CDH13: variants seen among roughly 807,000 people sequenced by gnomAD.
The protein encoded by CDH13 is cadherin-13.
In CDH13, 24 loss-of-function variants were observed where a neutral mutation model predicts 63.8. That is an observed-to-expected ratio of 0.38 (90% confidence interval 0.27 to 0.53). The LOEUF is 0.53. Among genes scored for constraint, CDH13 ranks in the 20% least tolerant of loss-of-function variants. CDH13 has a pLI of 0.85. For synonymous variants in CDH13, 503 were observed against 355.3 expected, an observed-to-expected ratio of 1.42 and a Z score of -4.67; for missense variants, 1,049 against 903.1, an observed-to-expected ratio of 1.16 and a Z score of -2.07.
intron 5 of CDH13, among the ~76,000 whole-genome samples, chr16:83,305,662 G>A (rs2089857531): frequency 6.6e-6 from 1 of 152,138 alleles, no homozygotes; most frequent in Admixed American, 6.5e-5. Flanking sequence ...GAGCCAGATG[G>A]GAGTTTGTAT....
intron 5 of CDH13, among the ~76,000 whole-genome samples, chr16:83,314,414 C>T (rs1288993255): frequency 6.6e-6 from 1 of 152,084 alleles, no homozygotes; most frequent in African/African-American, 2.4e-5. Context: ...GTTTTCTAAA[C>T]TAAAATGGCT....
chr16:83,592,742 C>T lies in CDH13; in HGVS notation c.961-9712C>T, dbSNP rs75458455. ...TCTGGAGAAATGAGCGCTGCCTTCT[C>T]CTTGCCCACCAGCCCCCAGCCACGA... On this transcript the variant is annotated intron_variant, in intron 7 of 13. Transcript: ENST00000567109. Among the ~76,000 whole-genome samples, 424 of 152,282 alleles carry T rather than the reference C, an allele frequency of 2.8e-3. 3 individuals carry two copies. The highest frequency in any genetic ancestry group is 5.3e-3 in the Non-Finnish European group (363 of 68,026).
At chr16:83,651,588 C>CTTTTTTT (rs35237670) in intron 8 of CDH13, among the ~76,000 whole-genome samples, 97 of 75,266 alleles carry the variant, frequency 1.3e-3, no homozygotes, top group Non-Finnish European at 1.5e-3. Flanking sequence ...TTATTTTCCT[C>CTTTTTTT]TTTTTTTTTT....
At chr16:83,453,847 A>G (rs1021305905) in intron 6 of CDH13, among the ~76,000 whole-genome samples, 2 of 152,204 alleles carry the variant, frequency 1.3e-5, no homozygotes, top group African/African-American at 4.8e-5. Flanking sequence ...TCAGGGGACC[A>G]TATGTGCCTG....
chr16:83,118,467 G>T (rs562822626), intron 3 of CDH13, among the ~76,000 whole-genome samples: 9 of 152,140 alleles, frequency 5.9e-5, no homozygotes, highest in African/African-American at 1.4e-4. Context: ...ACATCTGCAC[G>T]CGTCTAGTAA....
chr16:83,436,219 G>C (rs1350739550), intron 6 of CDH13, among the ~76,000 whole-genome samples: 1 of 152,166 alleles, frequency 6.6e-6, no homozygotes, highest in Non-Finnish European at 1.5e-5. Flanking sequence ...TGCAACAAAT[G>C]ACTCTTGATC....
chr16:82,844,230 C>T (rs1472024925), intron 1 of CDH13, among the ~76,000 whole-genome samples: 2 of 152,124 alleles, frequency 1.3e-5, no homozygotes, highest in Non-Finnish European at 2.9e-5. Flanking sequence ...AGAGGCCATG[C>T]TGCTGGCTTG....
At chr16:83,125,183 A>C (rs942949620) in intron 3 of CDH13, among the ~76,000 whole-genome samples, 152 of 152,330 alleles carry the variant, frequency 1.0e-3, no homozygotes, top group African/African-American at 3.5e-3. Context: ...CAAATAGCTT[A>C]ATGATAGTTA....
intron 10 of CDH13, among the ~76,000 whole-genome samples, chr16:83,678,819 A>G (rs1381247083): frequency 6.6e-6 from 1 of 152,208 alleles, no homozygotes; most frequent in African/African-American, 2.4e-5. Context: ...CTTTGTCATC[A>G]GCACTGCTTT....
chr16:82,915,921 G>C (rs772253634), intron 2 of CDH13, among the ~76,000 whole-genome samples: 22 of 151,356 alleles, frequency 1.5e-4, no homozygotes, highest in Non-Finnish European at 2.9e-4. Context: ...AGAGATGTCT[G>C]AATTATAGCA....
chr16:83,282,223 G>T (rs1040224018), intron 5 of CDH13, among the ~76,000 whole-genome samples: 11 of 152,230 alleles, frequency 7.2e-5, no homozygotes, highest in African/African-American at 2.6e-4. Context: ...TAACATCAAA[G>T]ATCACTGATC....
chr16:83,203,093 G>T (rs565210975), intron 4 of CDH13, among the ~76,000 whole-genome samples: 1 of 152,126 alleles, frequency 6.6e-6, no homozygotes, highest in Non-Finnish European at 1.5e-5. Context: ...GCATAGTGGT[G>T]CACGCCTGTA....
chr16:83,630,638 A>G (rs1407764799), intron 8 of CDH13, among the ~76,000 whole-genome samples: 1 of 152,198 alleles, frequency 6.6e-6, no homozygotes, highest in African/African-American at 2.4e-5. Flanking sequence ...TGAGGAAGCA[A>G]TTAGATATGC....
At chr16:83,523,577 G>T (rs1316138436) in intron 7 of CDH13, among the ~76,000 whole-genome samples, 1 of 152,124 alleles carries the variant, frequency 6.6e-6, no homozygotes, top group Non-Finnish European at 1.5e-5. Flanking sequence ...CTCACCAAGT[G>T]CTCCTCCATT....
At chr16:83,439,402 C>G (rs1169352100) in intron 6 of CDH13, among the ~76,000 whole-genome samples, 2 of 152,122 alleles carry the variant, frequency 1.3e-5, no homozygotes, top group Non-Finnish European at 2.9e-5. Context: ...TATGGGATGT[C>G]TTAGTAAAAG....
At chr16:82,937,081 C>A (rs1464583324) in intron 2 of CDH13, among the ~76,000 whole-genome samples, 1 of 152,140 alleles carries the variant, frequency 6.6e-6, no homozygotes, top group African/African-American at 2.4e-5. Context: ...CAGAGCTCTC[C>A]ATTCTGTTTT....
chr16:83,559,713 C>G (rs2075668070), intron 7 of CDH13, among the ~76,000 whole-genome samples: 1 of 151,968 alleles, frequency 6.6e-6, no homozygotes, highest in African/African-American at 2.4e-5. Context: ...CATTTTTCAC[C>G]TTAATTCTAA....
At chr16:83,103,915 A>C (rs1409950528) in intron 3 of CDH13, among the ~76,000 whole-genome samples, 1 of 152,208 alleles carries the variant, frequency 6.6e-6, no homozygotes, top group Admixed American at 6.5e-5. Flanking sequence ...TATTTGCAAA[A>C]AATTTGAAAT....
intron 1 of CDH13, among the ~76,000 whole-genome samples, chr16:82,743,275 G>A (rs774849573): frequency 6.6e-5 from 10 of 152,160 alleles, no homozygotes; most frequent in Non-Finnish European, 1.5e-4. Flanking sequence ...TGCCCAGGCT[G>A]GAGCGCGGTG....
Sources: gnomAD v4.1 joint callset for allele counts (sites outside exome capture counted in the v4.1 genomes callset) on GRCh38, gnomAD v4.1.1 for gene constraint, MANE v1.5 for transcripts, NCBI Gene and HGNC (gene_info 2026-07-23, HGNC 2026-07-21) for gene names.